LSAMP: variants seen among roughly 807,000 people sequenced by gnomAD.
LSAMP encodes limbic system associated membrane protein.
In LSAMP, 7 loss-of-function variants were observed where a neutral mutation model predicts 38.6. The observed-to-expected ratio is 0.18, with a 90% CI of 0.10 to 0.34. The LOEUF (loss-of-function observed/expected upper bound fraction) is 0.34. Ranked by LOEUF, LSAMP falls within the 10% of genes least tolerant of loss-of-function variation. The probability of loss-of-function intolerance (pLI) is 1.00; values close to 1 mark genes in which losing one functional copy is unlikely to be tolerated. For synonymous variants in LSAMP, 154 were observed against 166.8 expected (o/e 0.92, Z 0.59); for missense variants, 313 against 420.0 (o/e 0.75, Z 2.23).
chr3:115,869,999 C>G (rs1287155119), intron 3 of LSAMP, among the ~76,000 whole-genome samples: 3 of 151,600 alleles, frequency 2.0e-5, no homozygotes, highest in Non-Finnish European at 2.9e-5. Context: ...TAGCTCATAG[C>G]TAAGAGTGAA....
At chr3:115,814,973 G>A (rs1933967391) in intron 6 of LSAMP, among the ~76,000 whole-genome samples, 1 of 152,172 alleles carries the variant, frequency 6.6e-6, no homozygotes, top group Non-Finnish European at 1.5e-5. Context: ...GGCGCCACCT[G>A]CTGTCCATTT....
chr3:116,424,422 C>T (rs974442162), intron 1 of LSAMP, among the ~76,000 whole-genome samples: 3 of 152,122 alleles, frequency 2.0e-5, no homozygotes, highest in Non-Finnish European at 2.9e-5. Flanking sequence ...AAACAATTTT[C>T]CATAGTCGTA....
chr3:115,838,167 A>G (rs1275795839), intron 6 of LSAMP: 4 of 152,240 alleles, frequency 2.6e-5, no homozygotes, highest in Non-Finnish European at 5.9e-5. Flanking sequence ...TCTGACACAA[A>G]AATATAATTT....
chr3:116,208,655 C>G (rs1298752964), intron 1 of LSAMP, among the ~76,000 whole-genome samples: 3 of 152,178 alleles, frequency 2.0e-5, no homozygotes, highest in Admixed American at 1.3e-4. Context: ...TTGGAATACC[C>G]TGCCGTGTGA....
chr3:115,968,415 T>A (rs111249935), intron 3 of LSAMP, among the ~76,000 whole-genome samples: 87 of 152,194 alleles, frequency 5.7e-4, no homozygotes, highest in African/African-American at 2.0e-3. Flanking sequence ...AAGTGATAAA[T>A]CCTGCTAGGA....
chr3:115,887,988 A>G (rs1936499681), intron 3 of LSAMP, among the ~76,000 whole-genome samples: 2 of 151,976 alleles, frequency 1.3e-5, no homozygotes, highest in African/African-American at 4.8e-5. Flanking sequence ...CCATGTCTCA[A>G]TGGCTAAATA....
chr3:116,308,797 T>C (rs2047518842), intron 1 of LSAMP, among the ~76,000 whole-genome samples: 1 of 152,076 alleles, frequency 6.6e-6, no homozygotes, highest in African/African-American at 2.4e-5. Flanking sequence ...GGCATGATAA[T>C]ATACTATTTC....
At chr3:115,960,161 A>C (rs1576258157) in intron 3 of LSAMP, among the ~76,000 whole-genome samples, 1 of 152,290 alleles carries the variant, frequency 6.6e-6, no homozygotes, top group South Asian at 2.1e-4. Context: ...AGGTGTGTAA[A>C]GAGGTTAAGT....
At chr3:115,870,786 G>C (rs1247047273) in intron 3 of LSAMP, among the ~76,000 whole-genome samples, 1 of 152,156 alleles carries the variant, frequency 6.6e-6, no homozygotes, top group African/African-American at 2.4e-5. Flanking sequence ...TTCTAGGGAA[G>C]AGATTGCTGC....
At chr3:115,916,502 T>C (rs921618466) in intron 3 of LSAMP, among the ~76,000 whole-genome samples, 4 of 152,232 alleles carry the variant, frequency 2.6e-5, no homozygotes, top group Admixed American at 6.5e-5. Context: ...AATACTGATA[T>C]ATAGGTATAT....
intron 1 of LSAMP, among the ~76,000 whole-genome samples, chr3:116,133,542 C>A (rs182027082): frequency 6.6e-6 from 1 of 152,194 alleles, no homozygotes; most frequent in Non-Finnish European, 1.5e-5. Context: ...TGAACTCCTG[C>A]ATCCAAGTGA....
rs1491323423 is a variant in LSAMP at position 115,928,974 on chromosome 3, T to TTTG, written c.515-76358_515-76357insCAA. On this transcript the variant is annotated intron_variant, in intron 3 of 6. Transcript: ENST00000490035. Reference sequence around the variant, plus strand: ...GCTTATCATGCAGGTTTTTTGTTTGTTTTTTTTTTTTTTTTTGCTTGTTTT... The same window carrying TTTG: ...GCTTATCATGCAGGTTTTTTGTTTGTTTGTTTTTTTTTTTTTTTTGCTTGTTTT... 0.02 allele frequency among the ~76,000 whole-genome samples: 209 copies of TTTG among 10,386 alleles called. 1 individual carries two copies. The East Asian group carries it at 0.31, about 15-fold the overall frequency. The allele number at this position is 10,386 out of a possible 152,430, so 6.8% of individuals were successfully genotyped here.
intron 1 of LSAMP, among the ~76,000 whole-genome samples, chr3:116,400,287 C>A (rs1310828427): frequency 6.6e-6 from 1 of 152,112 alleles, no homozygotes; most frequent in Non-Finnish European, 1.5e-5. Context: ...TCCAAAAAGT[C>A]ATGTGCCTTC....
At chr3:116,415,220 G>GCTA (rs143261547) in intron 1 of LSAMP, among the ~76,000 whole-genome samples, 1 of 36,940 alleles carries the variant, frequency 2.7e-5, no homozygotes, top group Non-Finnish European at 5.4e-5. Flanking sequence ...TTTTACAATA[G>GCTA]TTATTATTTT....
At position 116,368,567 on chromosome 3, in the gene LSAMP, G is replaced by A. The variant is rs149246738; in HGVS notation, c.155+76310C>T. Reference sequence around the variant, plus strand: ...AAAGCTGCATGAAGAGTCTTTGGTTGGAGAAGCCTTGCTCTGAATCTACTT... The same window carrying A: ...AAAGCTGCATGAAGAGTCTTTGGTTAGAGAAGCCTTGCTCTGAATCTACTT... On this transcript the variant is annotated intron_variant, in intron 1 of 6. Transcript: ENST00000490035. Among the ~76,000 whole-genome samples, 826 of 152,288 alleles carry A rather than the reference G, an allele frequency of 5.4e-3. 12 individuals are homozygous for A. Among genetic ancestry groups the A allele is most frequent in the African/African-American group, 0.019 (789 of 41,564 alleles).
intron 1 of LSAMP, among the ~76,000 whole-genome samples, chr3:116,170,658 G>C (rs1710174959): frequency 6.6e-6 from 1 of 152,060 alleles, no homozygotes; most frequent in South Asian, 2.1e-4. Flanking sequence ...TTTTAGGTTG[G>C]AAGGTTATAT....
chr3:115,834,666 T>G (rs971734677), intron 6 of LSAMP: 51 of 784,498 alleles, frequency 6.5e-5, no homozygotes, highest in Non-Finnish European at 7.4e-5. Flanking sequence ...TTCTCATGTT[T>G]AGTTATTCAA....
chr3:116,216,781 G>C (rs142843000), intron 1 of LSAMP, among the ~76,000 whole-genome samples: 6 of 152,300 alleles, frequency 3.9e-5, no homozygotes, highest in African/African-American at 1.4e-4. Context: ...GGAAATTCTT[G>C]CAGTTCTGTT....
At chr3:116,317,672 T>C (rs1292779465) in intron 1 of LSAMP, among the ~76,000 whole-genome samples, 4 of 151,322 alleles carry the variant, frequency 2.6e-5, no homozygotes, top group Admixed American at 6.6e-5. Context: ...CAGCCCAATC[T>C]CATCTGCATG....
Sources: allele counts gnomAD v4.1 joint callset (sites outside exome capture counted in the v4.1 genomes callset), GRCh38; gene constraint gnomAD v4.1.1; transcripts MANE v1.5; gene names NCBI Gene and HGNC (gene_info 2026-07-23, HGNC 2026-07-21).